Variants in VPS41 observed in about 807,000 individuals in gnomAD.
The protein encoded by VPS41 is vacuolar protein sorting-associated protein 41 homolog.
VPS41 carries 85 observed loss-of-function variants against 130.9 expected under a neutral mutation model. That is an observed-to-expected ratio of 0.65 (90% CI 0.55 to 0.78). The LOEUF is 0.78. Ranked by LOEUF, VPS41 falls within the 30% of genes least tolerant of loss-of-function variation. VPS41 has a pLI of 0.00. For synonymous variants in VPS41, 335 were observed against 332.9 expected (o/e 1.01, Z -0.07); for missense variants, 874 against 1,018.7 (o/e 0.86, Z 1.93).
intron 9 of VPS41, among the ~76,000 whole-genome samples, chr7:38,793,911 C>T (rs1033906269): frequency 6.6e-6 from 1 of 152,154 alleles, no homozygotes; most frequent in Non-Finnish European, 1.5e-5. Context: ...TAGGTTAATT[C>T]CCCATCTCAA....
At chr7:38,865,810 G>A (rs1212116347) in intron 3 of VPS41, among the ~76,000 whole-genome samples, 1 of 152,134 alleles carries the variant, frequency 6.6e-6, no homozygotes, top group Non-Finnish European at 1.5e-5. Flanking sequence ...GGAAAGGTCA[G>A]CTAATAAGAG....
chr7:38,770,159 C>T (rs1013577879), intron 14 of VPS41, among the ~76,000 whole-genome samples: 2 of 151,966 alleles, frequency 1.3e-5, no homozygotes, highest in Admixed American at 6.6e-5. Flanking sequence ...GTCCCAGCTA[C>T]TCGGGAGGCT....
At chr7:38,905,982 G>T (rs571010634) in intron 1 of VPS41, among the ~76,000 whole-genome samples, 7 of 151,766 alleles carry the variant, frequency 4.6e-5, no homozygotes, top group Non-Finnish European at 1.0e-4. Flanking sequence ...TTTTAGTAGT[G>T]ACGGGGTTTC....
At chr7:38,797,582 T>A (rs1335673909) in intron 7 of VPS41, among the ~76,000 whole-genome samples, 1 of 152,242 alleles carries the variant, frequency 6.6e-6, no homozygotes, top group Non-Finnish European at 1.5e-5. Flanking sequence ...ATTTAAATCC[T>A]TTAAGAAAAG....
rs547741174 is a variant in VPS41, at chr7:38,903,221, A to C, written c.22-5092T>G. 1.3e-5 allele frequency among the ~76,000 whole-genome samples: 2 copies of C among 152,306 alleles called. 1 individual carries two copies. The highest frequency in any genetic ancestry group is 4.1e-4 in the South Asian group (2 of 4,824). ...GGCTCCTAGAAGACTTCTCTCATAC[A>C]GGCTTTCAACCAGCCCCCATCCCTA... On this transcript the variant is annotated intron_variant, in intron 1 of 28. Transcript: ENST00000310301.
rs554049895 is a variant in VPS41 at position 38,822,694 on chromosome 7, G to C, written c.322-1429C>G. 3.3e-4 allele frequency among the ~76,000 whole-genome samples: 51 copies of C among 152,298 alleles called. No individual in the cohort carries two copies. In the South Asian group the frequency reaches 9.5e-3, roughly 28 times the overall value. On this transcript the variant is annotated intron_variant, in intron 5 of 28. Transcript: ENST00000310301. Reference sequence around the variant, plus strand: ...ATATTCATGAAGGGTGTATACCTTGGAATGGAATTGCTGAGTCATAGGTTA... The same window carrying C: ...ATATTCATGAAGGGTGTATACCTTGCAATGGAATTGCTGAGTCATAGGTTA...
intron 10 of VPS41, among the ~76,000 whole-genome samples, chr7:38,785,875 A>G (rs996620901): frequency 9.2e-5 from 14 of 152,228 alleles, no homozygotes; most frequent in Admixed American, 7.2e-4. Flanking sequence ...GAGGAGAAGC[A>G]ATGAAGAAAA....
intron 4 of VPS41, among the ~76,000 whole-genome samples, chr7:38,834,260 C>T (rs933606174): frequency 1.3e-5 from 2 of 152,146 alleles, no homozygotes; most frequent in African/African-American, 4.8e-5. Flanking sequence ...TTTTAATCCG[C>T]AAACATGGAA....
At chr7:38,789,656 T>C (rs1487975768) in intron 10 of VPS41, 145 bp downstream of exon 10, 1 of 683,418 alleles carries the variant, frequency 1.5e-6, no homozygotes, top group East Asian at 2.8e-5. Context: ...CAGATGACAG[T>C]AATTCACAGT....
At chr7:38,773,768 T>C (rs969830311) in intron 12 of VPS41, among the ~76,000 whole-genome samples, 2 of 152,046 alleles carry the variant, frequency 1.3e-5, no homozygotes, top group Non-Finnish European at 2.9e-5. Context: ...TCCTGACACA[T>C]AAAATGGGAG....
At chr7:38,902,558 G>A (rs1787168021) in intron 1 of VPS41, among the ~76,000 whole-genome samples, 1 of 152,122 alleles carries the variant, frequency 6.6e-6, no homozygotes, top group Non-Finnish European at 1.5e-5. Context: ...AGTTGCAGCT[G>A]AGCGGTTACA....
At chr7:38,868,864 T>C (rs924682131) in intron 3 of VPS41, among the ~76,000 whole-genome samples, 4 of 152,322 alleles carry the variant, frequency 2.6e-5, no homozygotes, top group African/African-American at 9.6e-5. Flanking sequence ...AGGAATTAAG[T>C]GAGCGACAGA....
intron 7 of VPS41, among the ~76,000 whole-genome samples, chr7:38,814,310 C>T (rs897653197): frequency 6.6e-6 from 1 of 152,190 alleles, no homozygotes; most frequent in South Asian, 2.1e-4. Context: ...CTACAGGTAT[C>T]CCTTGCAGCA....
intron 4 of VPS41, among the ~76,000 whole-genome samples, chr7:38,854,722 C>T (rs565499853): frequency 9.9e-5 from 15 of 152,186 alleles, no homozygotes; most frequent in Admixed American, 2.6e-4. Flanking sequence ...AGTTCACCAG[C>T]TTTTATGTTG....
At chr7:38,727,565 T>A (rs1309056019) in intron 27 of VPS41, among the ~76,000 whole-genome samples, 1 of 152,222 alleles carries the variant, frequency 6.6e-6, no homozygotes, top group Non-Finnish European at 1.5e-5. Flanking sequence ...GGAATGTATG[T>A]GGTTCCTTTT....
intron 3 of VPS41, among the ~76,000 whole-genome samples, chr7:38,863,914 A>C (rs35335339): frequency 1.6e-3 from 245 of 152,338 alleles, no homozygotes; most frequent in Non-Finnish European, 3.0e-3. Context: ...TGAATAGTTA[A>C]ACCAAACAGG....
At chr7:38,819,750 A>G (rs1785132804) in intron 6 of VPS41, among the ~76,000 whole-genome samples, 1 of 152,144 alleles carries the variant, frequency 6.6e-6, no homozygotes, top group African/African-American at 2.4e-5. Flanking sequence ...GCTTCTTCTT[A>G]GACTCCTTTG....
chr7:38,853,601 C>T (rs1785914291), intron 4 of VPS41, among the ~76,000 whole-genome samples: 2 of 152,132 alleles, frequency 1.3e-5, no homozygotes. Flanking sequence ...TTTTAAAGCT[C>T]TTACTTTGCA....
chr7:38,795,082 T>C (rs776293969), intron 9 of VPS41, among the ~76,000 whole-genome samples: 6 of 151,820 alleles, frequency 4.0e-5, no homozygotes, highest in Non-Finnish European at 7.4e-5. Context: ...ATAACTCTAA[T>C]GAAGAAGTGA....
Sources: allele counts gnomAD v4.1 joint callset (sites outside exome capture counted in the v4.1 genomes callset), GRCh38; gene constraint gnomAD v4.1.1; transcripts MANE v1.5; gene names NCBI Gene and HGNC (gene_info 2026-07-23, HGNC 2026-07-21).